PTBP2: variants seen among roughly 807,000 people sequenced by gnomAD.
PTBP2 encodes polypyrimidine tract binding protein 2, also known as polypyrimidine tract-binding protein 2.
A neutral mutation model predicts 61.4 loss-of-function variants in PTBP2; 13 were observed. The ratio of observed to expected loss-of-function variants is 0.21; its 90% CI spans 0.14 to 0.34. PTBP2 has a LOEUF of 0.34. PTBP2 is among the 10% of genes least tolerant of loss of function. The pLI, the probability that PTBP2 is intolerant of heterozygous loss-of-function variation, is 1.00. For missense variants in PTBP2, 405 were observed against 642.6 expected, an observed-to-expected ratio of 0.63 and a Z score of 4.00; for synonymous variants, 215 against 218.5, an observed-to-expected ratio of 0.98 and a Z score of 0.14.
At position 96,741,806 on chromosome 1, in the gene PTBP2, A is replaced by T. The variant is rs903411901; in HGVS notation, c.40-9619A>T. On this transcript the variant is annotated intron_variant, in intron 2 of 13. Transcript: ENST00000674951. Reference sequence around the variant, plus strand: ...TTGTGTAGCATATGTTACAGGTTTAATTATTTTTTCTATATGGATAGCAAG... The same window carrying T: ...TTGTGTAGCATATGTTACAGGTTTATTTATTTTTTCTATATGGATAGCAAG... Among the ~76,000 whole-genome samples the T allele has an allele frequency of 3.3e-5, 5 of 152,232 alleles. 1 individual carries two copies. Among genetic ancestry groups the T allele is most frequent in the African/African-American group, 1.2e-4 (5 of 41,532 alleles).
intron 4 of PTBP2, among the ~76,000 whole-genome samples, chr1:96,770,179 TCAG>T (rs1367449729): frequency 1.3e-5 from 2 of 151,994 alleles, no homozygotes; most frequent in African/African-American, 4.8e-5. Context: ...GTATCAGAAA[TCAG>T]CAGGGGTACT....
At chr1:96,731,533 G>A (rs1422845371) in intron 2 of PTBP2, among the ~76,000 whole-genome samples, 1 of 152,094 alleles carries the variant, frequency 6.6e-6, no homozygotes, top group East Asian at 1.9e-4. Context: ...TCCATTTGAT[G>A]TGTAAACATT....
At chr1:96,726,153 A>G (rs1650463771) in intron 2 of PTBP2, among the ~76,000 whole-genome samples, 3 of 145,126 alleles carry the variant, frequency 2.1e-5, no homozygotes, top group South Asian at 4.5e-4. Context: ...TCTTAGGTGT[A>G]GGTAATTGTG....
chr1:96,750,897 T>A (rs1203680610), intron 2 of PTBP2, among the ~76,000 whole-genome samples: 4 of 152,112 alleles, frequency 2.6e-5, no homozygotes, highest in African/African-American at 9.7e-5. Context: ...TGACCTTATT[T>A]TTTTGCAGAA....
intron 3 of PTBP2, among the ~76,000 whole-genome samples, chr1:96,768,021 T>TA (rs1267731300): frequency 1.3e-5 from 2 of 152,088 alleles, no homozygotes; most frequent in African/African-American, 2.4e-5. Context: ...TAGAGTAAAA[T>TA]ATGACTTAAG....
chr1:96,791,118 G>C (rs1174568293), intron 8 of PTBP2, among the ~76,000 whole-genome samples: 1 of 151,712 alleles, frequency 6.6e-6, no homozygotes, highest in African/African-American at 2.4e-5. Flanking sequence ...TAGTCTGCCT[G>C]TTTATTCTTT....
At position 96,813,523 on chromosome 1, in the gene PTBP2, C is replaced by CT. The variant is rs138277715; in HGVS notation, c.*128dup. The CT allele has an allele frequency of 0.026, 24,181 of 925,806 alleles. 1,074 individuals are homozygous for CT. Among genetic ancestry groups the CT allele is most frequent in the African/African-American group, 0.21 (11,507 of 55,300 alleles). The allele number at this position is 925,806 out of a possible 1,614,324, so 57.3% of individuals were successfully genotyped here. A position where few individuals can be genotyped will look rare whatever the true frequency, so the allele number is the denominator to read the frequency against. Reference sequence around the variant, plus strand: ...TTTTGTTTTTGTTTTTTTGGGGTTTCTTTTTTTTTTCCATGCTGTTATCAT... The same window carrying CT: ...TTTTGTTTTTGTTTTTTTGGGGTTTCTTTTTTTTTTTCCATGCTGTTATCAT... On this transcript the variant is annotated 3_prime_UTR_variant, in exon 14 of 14. Coordinates refer to ENST00000674951, the MANE Select transcript of PTBP2 (RefSeq NM_021190.4).
intron 2 of PTBP2, among the ~76,000 whole-genome samples, chr1:96,742,175 T>C (rs1289250655): frequency 6.6e-6 from 1 of 152,232 alleles, no homozygotes; most frequent in Non-Finnish European, 1.5e-5. Context: ...AATGGCAATT[T>C]TTTTTGAGCT....
chr1:96,758,499 A>C (rs1000029168), intron 3 of PTBP2, among the ~76,000 whole-genome samples: 2 of 152,100 alleles, frequency 1.3e-5, no homozygotes, highest in Non-Finnish European at 2.9e-5. Context: ...TATTCTTAAG[A>C]AAATGTTGGT....
chr1:96,796,973 G>A (rs1191501671), intron 8 of PTBP2, among the ~76,000 whole-genome samples: 1 of 152,208 alleles, frequency 6.6e-6, no homozygotes, highest in Non-Finnish European at 1.5e-5. Flanking sequence ...AATATGGATG[G>A]CAAAGTAGAT....
At chr1:96,762,754 C>T (rs1457286857) in intron 3 of PTBP2, among the ~76,000 whole-genome samples, 11 of 151,840 alleles carry the variant, frequency 7.2e-5, no homozygotes, top group African/African-American at 1.2e-4. Context: ...GGGTGACTGC[C>T]GGGCGGAGAC....
intron 10 of PTBP2, 87 bp downstream of exon 10, chr1:96,806,539 A>T: frequency 7.2e-7 from 1 of 1,387,338 alleles, no homozygotes; most frequent in Middle Eastern, 1.8e-4. Flanking sequence ...CTTTGGCTTA[A>T]AGTTGAATAG....
chr1:96,772,520 A>ATT (rs1414434233), intron 5 of PTBP2, among the ~76,000 whole-genome samples: 1 of 152,062 alleles, frequency 6.6e-6, no homozygotes, highest in East Asian at 1.9e-4. Context: ...ACCAGAACCT[A>ATT]TTCTTCCTGT....
At chr1:96,725,145 T>C (rs1650220245) in intron 2 of PTBP2, among the ~76,000 whole-genome samples, 1 of 152,186 alleles carries the variant, frequency 6.6e-6, no homozygotes, top group African/African-American at 2.4e-5. Context: ...AACAGATTTC[T>C]GTAAATTTTG....
intron 3 of PTBP2, among the ~76,000 whole-genome samples, chr1:96,762,589 A>C (rs1656082882): frequency 7.2e-6 from 1 of 138,500 alleles, no homozygotes; most frequent in Non-Finnish European, 1.5e-5. Flanking sequence ...GGCCGGGCAG[A>C]GGGGCTCCTC....
intron 8 of PTBP2, among the ~76,000 whole-genome samples, chr1:96,792,694 G>A (rs933560947): frequency 6.9e-6 from 1 of 145,040 alleles, no homozygotes; most frequent in Non-Finnish European, 1.5e-5. Context: ...TATTGTTCAT[G>A]CATTGATTCA....
chr1:96,818,404 A>C (rs201704031), downstream of PTBP2: 1 of 152,054 alleles, frequency 6.6e-6, no homozygotes, highest in Non-Finnish European at 1.5e-5. Flanking sequence ...TCCCAGATAT[A>C]TTTTATCAAG....
intron 7 of PTBP2, among the ~76,000 whole-genome samples, chr1:96,781,522 T>C: frequency 6.6e-6 from 1 of 152,004 alleles, no homozygotes; most frequent in East Asian, 1.9e-4. Context: ...TACAGATTGC[T>C]GTTCCATTTG....
intron 2 of PTBP2, among the ~76,000 whole-genome samples, chr1:96,735,718 AGCAAAGAGAT>A (rs1276351377): frequency 6.6e-6 from 1 of 152,230 alleles, no homozygotes; most frequent in Non-Finnish European, 1.5e-5. Flanking sequence ...AGCACAGAGA[AGCAAAGAGAT>A]GAAAATAGGA....
Sources: allele counts gnomAD v4.1 joint callset (sites outside exome capture counted in the v4.1 genomes callset), GRCh38; gene constraint gnomAD v4.1.1; transcripts MANE v1.5; gene names NCBI Gene and HGNC (gene_info 2026-07-23, HGNC 2026-07-21).